Variants in ADAMTS7 observed in about 807,000 individuals in gnomAD.
ADAMTS7 encodes the protein A disintegrin and metalloproteinase with thrombospondin motifs 7.
Under a neutral mutation model 172.6 loss-of-function variants are expected in ADAMTS7, and 89 were observed. The ratio of observed to expected loss-of-function variants is 0.52; its 90% CI spans 0.43 to 0.61. The LOEUF is 0.61. ADAMTS7 is among the 20% of genes least tolerant of loss of function. The pLI is 0.00. For synonymous variants in ADAMTS7, 885 were observed against 978.4 expected (o/e 0.90, Z 1.78); for missense variants, 1,973 against 2,355.6 (o/e 0.84, Z 3.36).
chr15:78,775,220 T>A (rs1054384604), intron 11 of ADAMTS7, among the ~76,000 whole-genome samples: 6 of 152,084 alleles, frequency 3.9e-5, no homozygotes, highest in Non-Finnish European at 8.8e-5. Flanking sequence ...AGCCCTTGAG[T>A]CCTCAGCCTT....
In ADAMTS7 at chr15:78,770,761, G is replaced by A. The variant is rs143365856; in HGVS notation, c.2518+401C>T. On this transcript the variant is annotated intron_variant, in intron 16 of 23. Transcript: ENST00000388820. ...GGAGGAGACAGAGAGAGAGGGGACT[G>A]AGGAGCATGGGGAGAGAGGGAAATT... is the stretch of plus-strand genomic sequence containing the variant. 2.2e-3 allele frequency: 434 copies of A among 197,040 alleles called. 4 individuals are homozygous for A. Among genetic ancestry groups the A allele is most frequent in the African/African-American group, 9.6e-3 (417 of 43,312 alleles). 12.2% of individuals were successfully genotyped at this position (197,040 alleles called of 1,614,324 possible). A position where few individuals can be genotyped will look rare whatever the true frequency, so the allele number is the denominator to read the frequency against.
chr15:78,802,125 C>T (rs2055733897), intron 1 of ADAMTS7, among the ~76,000 whole-genome samples: 1 of 152,188 alleles, frequency 6.6e-6, no homozygotes, highest in African/African-American at 2.4e-5. Context: ...GTGTGAGCCA[C>T]CACACTTGGC....
At position 78,773,158 on chromosome 15, in the gene ADAMTS7, G is replaced by A. The variant is rs766427536; in HGVS notation, c.2056C>T (p.Arg686Cys). ...FEIDSGAMED[R>C]CGVCHGNGST... is the part of the protein sequence containing the mutation. ...CCGTTGCCGTGGCACACACCACAGC[G>A]GTCCTCCATAGCACCGGAGTCAATC... The change falls in exon 14 of 24, where the codon CGC (arginine) becomes TGC (cysteine). Residue 686 changes from arginine (R) to cysteine (C), a missense_variant. Arg to Cys is a radical substitution (Grantham distance 180). This residue lies in a region of ADAMTS7 where 13 missense variants were observed against 43.9 expected (regional missense o/e 0.30). Transcript: ENST00000388820. 21 of 1,499,886 alleles carry A rather than the reference G, an allele frequency of 1.4e-5. No homozygotes were observed. The highest frequency in any genetic ancestry group is 1.9e-4 in the Middle Eastern group (1 of 5,348). 92.9% of individuals were successfully genotyped at this position (1,499,886 alleles called of 1,614,324 possible).
At chr15:78,782,274 G>T (rs916414483) in intron 8 of ADAMTS7, among the ~76,000 whole-genome samples, 4 of 151,976 alleles carry the variant, frequency 2.6e-5, no homozygotes, top group Admixed American at 1.3e-4. Flanking sequence ...CAAGGGATCC[G>T]CCTGCCTCAG....
intron 12 of ADAMTS7, 25 bp from the exon 13 acceptor site, chr15:78,774,325 T>A: frequency 6.5e-7 from 1 of 1,544,646 alleles, no homozygotes; most frequent in Non-Finnish European, 8.7e-7. Context: ...AGAAGAGTCA[T>A]CAGCAACAGC....
chr15:78,759,247 T>C lies in ADAMTS7; in HGVS notation c.*174A>G, dbSNP rs1040681624. On this transcript the variant is annotated 3_prime_UTR_variant, in exon 24 of 24. Coordinates refer to ENST00000388820, the MANE Select transcript of ADAMTS7 (RefSeq NM_014272.5). ...CTCATTTATGTAAAATCATAATAAA[T>C]GTTACACAAACTGTTAGAATAAAAA... 3.3e-5 allele frequency: 18 copies of C among 540,786 alleles called. No homozygotes were observed. The highest frequency in any genetic ancestry group is 1.1e-4 in the Admixed American group (3 of 27,122). The allele number at this position is 540,786 out of a possible 1,614,324, so 33.5% of individuals were successfully genotyped here.
intron 18 of ADAMTS7, 25 bp downstream of exon 18, chr15:78,767,354 G>C (rs117290887): frequency 0.39 from 628,376 of 1,606,126 alleles, 128,290 homozygotes; most frequent in Non-Finnish European, 0.43. Context: ...AGCTGGAGGC[G>C]GGCCCCTTCC....
intron 4 of ADAMTS7, among the ~76,000 whole-genome samples, chr15:78,793,491 T>C (rs1469171896): frequency 2.0e-5 from 3 of 152,080 alleles, no homozygotes; most frequent in Non-Finnish European, 1.5e-5. Flanking sequence ...GCCCCTCAAG[T>C]AGCTGGGACT....
At chr15:78,802,695 A>C (rs2055741706) in intron 1 of ADAMTS7, among the ~76,000 whole-genome samples, 1 of 152,174 alleles carries the variant, frequency 6.6e-6, no homozygotes, top group South Asian at 2.1e-4. Context: ...TGAAATGCAT[A>C]AAATAAAATA....
intron 1 of ADAMTS7, among the ~76,000 whole-genome samples, chr15:78,808,050 C>T (rs1377516424): frequency 6.6e-6 from 1 of 151,804 alleles, no homozygotes; most frequent in Admixed American, 6.6e-5. Context: ...GAGATGGGGT[C>T]TCATTATGCT....
rs1425674896 is a variant in ADAMTS7 at position 78,789,724 on chromosome 15, C to A, written c.1143G>T (p.Pro381=). The A allele has an allele frequency of 1.2e-6, 2 of 1,613,060 alleles. No individual in the cohort carries two copies. The highest frequency in any genetic ancestry group is 1.1e-5 in the South Asian group (1 of 90,940). Residue 381 remains proline, a synonymous_variant, in exon 7 of 24, where the codon CCG becomes CCT. Transcript: ENST00000388820. ...GCTCGTGGGCTACAGTGAAGGCCAG[C>A]GGCAGGCCCGTGTCCTCGTTGATGC... ...SCSINEDTGL[P]LAFTVAHELG... is the part of the protein sequence containing the mutation.
chr15:78,793,618 C>A (rs551361965), intron 4 of ADAMTS7, among the ~76,000 whole-genome samples: 88 of 152,334 alleles, frequency 5.8e-4, no homozygotes, highest in Middle Eastern at 3.4e-3. Flanking sequence ...TTGGAACACA[C>A]TCCCTGAAAT....
At chr15:78,767,293 A>G in intron 18 of ADAMTS7, 86 bp downstream of exon 18, 1 of 1,510,944 alleles carries the variant, frequency 6.6e-7, no homozygotes, top group East Asian at 2.4e-5. Flanking sequence ...TCCCACCCAC[A>G]AGGTCTCCAG....
In ADAMTS7 at chr15:78,762,555, G is replaced by T. The variant is rs1407393094; in HGVS notation, c.4751C>A (p.Pro1584His). Residue 1584 changes from proline (P) to histidine (H), a missense_variant, in exon 23 of 24, where the codon CCC (proline) becomes CAC (histidine). Coordinates refer to ENST00000388820, the MANE Select transcript of ADAMTS7 (RefSeq NM_014272.5). Reference protein sequence around the residue: ...VVGPWGQCSGPCGGGVQRRLV... With the variant: ...VVGPWGQCSGHCGGGVQRRLV... Reference sequence around the variant, plus strand: ...GCGCCGCTGGACACCACCACCACAGGGGCCTGAGCACTGAGGGGAGCGGGG... The same window carrying T: ...GCGCCGCTGGACACCACCACCACAGTGGCCTGAGCACTGAGGGGAGCGGGG... 1 of 1,538,124 alleles carries T rather than the reference G, an allele frequency of 6.5e-7. No individual in the cohort carries two copies. Among genetic ancestry groups the T allele is most frequent in the African/African-American group, 1.4e-5 (1 of 71,796 alleles).
At chr15:78,793,861 T>C (rs993876154) in intron 4 of ADAMTS7, among the ~76,000 whole-genome samples, 45 of 152,164 alleles carry the variant, frequency 3.0e-4, no homozygotes, top group African/African-American at 9.4e-4. Context: ...AGAATGGGGC[T>C]TTGGAGGTAG....
chr15:78,785,385 T>C (rs182690765), intron 8 of ADAMTS7, among the ~76,000 whole-genome samples: 3 of 151,864 alleles, frequency 2.0e-5, no homozygotes, highest in Non-Finnish European at 2.9e-5. Context: ...CCATCTCTAC[T>C]AAAAATACAA....
In ADAMTS7 at chr15:78,771,546, G is replaced by A. The variant is rs1194930366; in HGVS notation, c.2376+39C>T. 2.6e-6 allele frequency: 4 copies of A among 1,566,504 alleles called. No individual in the cohort carries two copies. The highest frequency in any genetic ancestry group is 1.1e-5 in the South Asian group (1 of 86,990). On this transcript the variant is annotated intron_variant, in intron 15 of 23. Transcript: ENST00000388820. This position sits in a 1 kb window ranked among gnomAD's most constrained non-coding sequence, Gnocchi z 4.9. ...GGAGGGTGCTGGGCCTGGGGACTCCGCCTCTGCTCCCCCCGCCTGGGCCAC... is the reference window on the plus strand; with the variant it reads ...GGAGGGTGCTGGGCCTGGGGACTCCACCTCTGCTCCCCCCGCCTGGGCCAC...
At chr15:78,788,640 T>C (rs1377618193) in intron 7 of ADAMTS7, among the ~76,000 whole-genome samples, 1 of 152,236 alleles carries the variant, frequency 6.6e-6, no homozygotes, top group Non-Finnish European at 1.5e-5. Flanking sequence ...GCCCTGCCCC[T>C]GCCTGGGGGC....
At chr15:78,776,655 C>A in intron 10 of ADAMTS7, 94 bp downstream of exon 10, 1 of 1,291,532 alleles carries the variant, frequency 7.7e-7, no homozygotes, top group Non-Finnish European at 1.1e-6. Context: ...GGAGCACAAG[C>A]AAGACTGTGA....
Sources: allele counts gnomAD v4.1 joint callset (sites outside exome capture counted in the v4.1 genomes callset), GRCh38; gene constraint gnomAD v4.1.1; regional missense constraint gnomAD v4.1.1; non-coding constraint Gnocchi (gnomAD v3.1); transcripts MANE v1.5; gene names NCBI Gene and HGNC (gene_info 2026-07-23, HGNC 2026-07-21).